ATP8A2: variants seen among roughly 807,000 people sequenced by gnomAD.
The protein encoded by ATP8A2 is ATPase phospholipid transporting 8A2, also known as phospholipid-transporting ATPase IB.
A neutral mutation model predicts 165.6 loss-of-function variants in ATP8A2; 100 were observed. The observed-to-expected ratio is 0.60, with a 90% confidence interval of 0.51 to 0.71. The LOEUF is 0.71. Ranked by LOEUF, ATP8A2 falls within the 30% of genes least tolerant of loss-of-function variation. ATP8A2 has a pLI of 0.00. For missense variants in ATP8A2, 1,227 were observed against 1,479.5 expected (o/e 0.83, Z 2.80); for synonymous variants, 543 against 548.8 (o/e 0.99, Z 0.15).
intron 33 of ATP8A2, among the ~76,000 whole-genome samples, chr13:25,894,707 C>T (rs1593519225): frequency 6.6e-6 from 1 of 152,258 alleles, no homozygotes; most frequent in Non-Finnish European, 1.5e-5. Flanking sequence ...TCTTTTATTT[C>T]CTTGAGCAGT....
Position 25,770,374 on chromosome 13 carries a change from T to C in ATP8A2, c.2568+1145T>C, listed in dbSNP as rs551157164. Among the ~76,000 whole-genome samples the C allele has an allele frequency of 8.5e-5, 13 of 152,196 alleles. No homozygotes were observed. In the East Asian group the frequency reaches 2.3e-3, roughly 27 times the overall value. ...CAGATCAATAAACTGGCTCATCTAA[T>C]CTTGTGGCTCCCCACCACCCAGGAA... On this transcript the variant is annotated intron_variant, in intron 26 of 36. Transcript: ENST00000381655.
In ATP8A2 at chr13:25,953,752, T is replaced by C. The variant is rs192403566; in HGVS notation, c.3184-7823T>C. Among the ~76,000 whole-genome samples the C allele has an allele frequency of 2.2e-4, 34 of 152,050 alleles. No homozygotes were observed. Among genetic ancestry groups the C allele is most frequent in the East Asian group, 2.2e-3 (11 of 5,116 alleles). ...GCCTCACCCGGGAAGCACAGGGGAT[T>C]GAGGAACTCCCTCCCCTAGCCGAGG... On this transcript the variant is annotated intron_variant, in intron 33 of 36. Coordinates refer to ENST00000381655, the MANE Select transcript of ATP8A2 (RefSeq NM_016529.6). This position sits in a 1 kb window ranked among gnomAD's most constrained non-coding sequence, Gnocchi z 6.7.
At position 25,425,406 on chromosome 13, in the gene ATP8A2, G is replaced by A. The variant is rs140261367; in HGVS notation, c.77-43571G>A. Among the ~76,000 whole-genome samples, 60 of 150,042 alleles carry A rather than the reference G, an allele frequency of 4.0e-4. 1 individual carries two copies. The East Asian group carries it at 9.2e-3, about 23-fold the overall frequency. ...ACTGGATCTCTAGTACTTGCAAGAC[G>A]TCATAAATTTGAAATCATATAGTAT... On this transcript the variant is annotated intron_variant, in intron 1 of 36. Coordinates refer to ENST00000381655, the MANE Select transcript of ATP8A2 (RefSeq NM_016529.6).
In ATP8A2 at chr13:25,592,547, A is replaced by T. The variant is rs140262389; in HGVS notation, c.2211+2848A>T. On this transcript the variant is annotated intron_variant, in intron 24 of 36. Transcript: ENST00000381655. ...GGACAGGAGAGCAGAGTGCTCCTGC[A>T]GAAAGGCTCCTAGAACCCTTGGATG... Among the ~76,000 whole-genome samples, 15 of 152,364 alleles carry T rather than the reference A, an allele frequency of 9.8e-5. No individual in the cohort carries two copies. In the East Asian group the frequency reaches 2.9e-3, roughly 29 times the overall value.
At chr13:25,662,212 C>T (rs763656892) in intron 24 of ATP8A2, among the ~76,000 whole-genome samples, 20 of 152,226 alleles carry the variant, frequency 1.3e-4, no homozygotes, top group African/African-American at 2.2e-4. Flanking sequence ...ATATTGTAAG[C>T]GCTGTTATAC....
At chr13:25,529,883 G>A in intron 2 of ATP8A2, 116 bp from the exon 3 acceptor site, 2 of 596,176 alleles carry the variant, frequency 3.4e-6, no homozygotes, top group Non-Finnish European at 5.7e-6. Flanking sequence ...CTTGTCTTGA[G>A]TTTTGAAACA....
chr13:25,456,471 C>G (rs1295722009), intron 1 of ATP8A2, among the ~76,000 whole-genome samples: 8 of 152,188 alleles, frequency 5.3e-5, no homozygotes, highest in Admixed American at 3.9e-4. Context: ...AATGTGCTTT[C>G]TGGAATTGCT....
chr13:25,509,949 C>G (rs1357107989), intron 2 of ATP8A2, among the ~76,000 whole-genome samples: 1 of 152,186 alleles, frequency 6.6e-6, no homozygotes, highest in Non-Finnish European at 1.5e-5. Flanking sequence ...TCATCTGGCG[C>G]ACGCCCCAAA....
At chr13:25,711,431 T>G (rs1399724556) in intron 25 of ATP8A2, among the ~76,000 whole-genome samples, 1 of 152,116 alleles carries the variant, frequency 6.6e-6, no homozygotes, top group Non-Finnish European at 1.5e-5. Flanking sequence ...GATCACAGGC[T>G]GGGCATGGTG....
intron 30 of ATP8A2, among the ~76,000 whole-genome samples, chr13:25,851,949 C>T (rs1164844483): frequency 1.3e-5 from 2 of 152,150 alleles, no homozygotes; most frequent in Non-Finnish European, 2.9e-5. Context: ...CTCAAGCAAC[C>T]GTCCTGCCTC....
Position 25,672,939 on chromosome 13 carries a change from A to T in ATP8A2, c.2212-26234A>T, listed in dbSNP as rs547997711. Reference sequence around the variant, plus strand: ...TGGTGGTTTGGAGACTTTGGGAGACATGAATAATATAAGGGATTGGTGGAA... The same window carrying T: ...TGGTGGTTTGGAGACTTTGGGAGACTTGAATAATATAAGGGATTGGTGGAA... On this transcript the variant is annotated intron_variant, in intron 24 of 36. Coordinates refer to ENST00000381655, the MANE Select transcript of ATP8A2 (RefSeq NM_016529.6). Among the ~76,000 whole-genome samples, 17 of 152,314 alleles carry T rather than the reference A, an allele frequency of 1.1e-4. No homozygotes were observed. The South Asian group carries it at 3.3e-3, about 30-fold the overall frequency.
chr13:25,594,527 C>T (rs1473309208), intron 24 of ATP8A2, among the ~76,000 whole-genome samples: 13 of 152,200 alleles, frequency 8.5e-5, no homozygotes, highest in East Asian at 5.8e-4. Context: ...ACCCATCACC[C>T]GAGCAGTATA....
intron 2 of ATP8A2, among the ~76,000 whole-genome samples, chr13:25,470,218 T>G (rs2035805417): frequency 6.6e-6 from 1 of 152,248 alleles, no homozygotes; most frequent in African/African-American, 2.4e-5. Flanking sequence ...GAGGTGGAAT[T>G]TTCACTTATT....
chr13:25,460,229 A>G (rs2035470310), intron 1 of ATP8A2, among the ~76,000 whole-genome samples: 1 of 152,152 alleles, frequency 6.6e-6, no homozygotes, highest in Non-Finnish European at 1.5e-5. Flanking sequence ...AAAGAAGCAA[A>G]CAAAATATGC....
chr13:25,861,538 G>A (rs1952352464), intron 32 of ATP8A2, among the ~76,000 whole-genome samples: 1 of 152,146 alleles, frequency 6.6e-6, no homozygotes, highest in Admixed American at 6.5e-5. Context: ...TAAATGCTCT[G>A]CTAAGAAAAA....
At chr13:25,515,271 C>A (rs1316742127) in intron 2 of ATP8A2, among the ~76,000 whole-genome samples, 1 of 152,218 alleles carries the variant, frequency 6.6e-6, no homozygotes, top group Non-Finnish European at 1.5e-5. Context: ...TGGAGTTTGC[C>A]AGACTCCATA....
At chr13:25,415,875 G>C (rs1205407181) in intron 1 of ATP8A2, among the ~76,000 whole-genome samples, 1 of 152,030 alleles carries the variant, frequency 6.6e-6, no homozygotes, top group Non-Finnish European at 1.5e-5. Flanking sequence ...TGCCACCCAG[G>C]CTGGAGTGTA....
At chr13:25,535,686 G>C (rs1203477989) in intron 6 of ATP8A2, among the ~76,000 whole-genome samples, 1 of 152,000 alleles carries the variant, frequency 6.6e-6, no homozygotes, top group Non-Finnish European at 1.5e-5. Flanking sequence ...GTGGTGGTGC[G>C]TGTCTGTAAT....
intron 27 of ATP8A2, among the ~76,000 whole-genome samples, chr13:25,788,516 G>A (rs2045088453): frequency 6.6e-6 from 1 of 152,202 alleles, no homozygotes; most frequent in African/African-American, 2.4e-5. Flanking sequence ...GCTTGAGCTA[G>A]AAGCCCTGTC....
Sources: gnomAD v4.1 joint callset for allele counts (sites outside exome capture counted in the v4.1 genomes callset) on GRCh38, gnomAD v4.1.1 for gene constraint, Gnocchi (gnomAD v3.1) non-coding constraint, MANE v1.5 for transcripts, NCBI Gene and HGNC (gene_info 2026-07-23, HGNC 2026-07-21) for gene names.